FSTL5: variants seen among roughly 807,000 people sequenced by gnomAD.
FSTL5 encodes the protein follistatin like 5.
FSTL5 carries 62 observed loss-of-function variants against 89.1 expected under a neutral mutation model. That is an observed-to-expected ratio of 0.70 (90% CI 0.57 to 0.86). The LOEUF (loss-of-function observed/expected upper bound fraction) is 0.86. FSTL5 is among the 40% of genes least tolerant of loss of function. The probability of loss-of-function intolerance (pLI) is 0.00; values close to 1 mark genes in which losing one functional copy is unlikely to be tolerated. For missense variants in FSTL5, 1,057 were observed against 1,001.6 expected (o/e 1.06, Z -0.75); for synonymous variants, 383 against 346.2 (o/e 1.11, Z -1.18).
At chr4:161,604,369 C>G (rs1232716751) in intron 7 of FSTL5, among the ~76,000 whole-genome samples, 1 of 151,896 alleles carries the variant, frequency 6.6e-6, no homozygotes, top group Non-Finnish European at 1.5e-5. Flanking sequence ...CAAAACCACA[C>G]AGTAACTTGA....
intron 4 of FSTL5, among the ~76,000 whole-genome samples, chr4:161,801,031 G>A (rs1729774926): frequency 1.3e-5 from 2 of 151,640 alleles, no homozygotes; most frequent in South Asian, 2.1e-4. Context: ...TAGTGAATAT[G>A]TTTCACTAAG....
chr4:161,506,442 G>T (rs28488327), intron 11 of FSTL5, among the ~76,000 whole-genome samples: 1 of 151,650 alleles, frequency 6.6e-6, no homozygotes, highest in Non-Finnish European at 1.5e-5. Flanking sequence ...GTTTATTTCC[G>T]TAAGTTTTTT....
intron 10 of FSTL5, among the ~76,000 whole-genome samples, chr4:161,534,195 C>G (rs1335153836): frequency 6.6e-6 from 1 of 152,074 alleles, no homozygotes; most frequent in Non-Finnish European, 1.5e-5. Context: ...ACTCTCACTA[C>G]TCCTATTCAA....
chr4:161,468,198 T>C (rs1733811323), intron 13 of FSTL5, among the ~76,000 whole-genome samples: 1 of 151,966 alleles, frequency 6.6e-6, no homozygotes, highest in Non-Finnish European at 1.5e-5. Context: ...CGACCCCCAC[T>C]ACATACTACT....
At chr4:162,145,903 T>G (rs1203728552) in intron 1 of FSTL5, among the ~76,000 whole-genome samples, 1 of 152,098 alleles carries the variant, frequency 6.6e-6, no homozygotes, top group African/African-American at 2.4e-5. Flanking sequence ...AACTTTTTTC[T>G]AAAAAAGTGA....
At chr4:161,976,810 G>C (rs1026896049) in intron 3 of FSTL5, among the ~76,000 whole-genome samples, 2 of 151,988 alleles carry the variant, frequency 1.3e-5, no homozygotes, top group African/African-American at 2.4e-5. Context: ...AAGTCTAGGA[G>C]CCCAGCCAAC....
chr4:161,749,794 A>T (rs1037192604), intron 6 of FSTL5, among the ~76,000 whole-genome samples: 2 of 151,564 alleles, frequency 1.3e-5, no homozygotes, highest in East Asian at 1.9e-4. Flanking sequence ...TCCGTCAAAA[A>T]AAAAATAAAA....
chr4:161,883,862 T>C (rs983817208), intron 4 of FSTL5, among the ~76,000 whole-genome samples: 3 of 152,234 alleles, frequency 2.0e-5, no homozygotes, highest in Non-Finnish European at 4.4e-5. Context: ...TACATTATTC[T>C]ATGTTCTTTA....
intron 4 of FSTL5, among the ~76,000 whole-genome samples, chr4:161,897,158 A>G (rs987938393): frequency 2.0e-5 from 3 of 151,824 alleles, no homozygotes; most frequent in African/African-American, 7.2e-5. Flanking sequence ...ATTCAAAATT[A>G]AACTAGATCA....
chr4:161,599,580 T>C (rs1734153397), intron 7 of FSTL5, among the ~76,000 whole-genome samples: 1 of 152,178 alleles, frequency 6.6e-6, no homozygotes, highest in Admixed American at 6.6e-5. Context: ...GTGTTTTAAA[T>C]ACATGCAGAA....
intron 2 of FSTL5, among the ~76,000 whole-genome samples, chr4:162,059,447 G>A (rs1738651872): frequency 6.6e-6 from 1 of 152,146 alleles, no homozygotes; most frequent in South Asian, 2.1e-4. Flanking sequence ...AGTTAGGTCT[G>A]AGGCTCTGAA....
intron 7 of FSTL5, among the ~76,000 whole-genome samples, chr4:161,646,370 G>A (rs1736154715): frequency 6.7e-6 from 1 of 150,350 alleles, no homozygotes; most frequent in Admixed American, 6.6e-5. Context: ...AAATTCAGCA[G>A]TTTAGTTAGA....
intron 3 of FSTL5, among the ~76,000 whole-genome samples, chr4:162,012,700 T>C (rs1736803102): frequency 6.6e-6 from 1 of 152,166 alleles, no homozygotes; most frequent in Non-Finnish European, 1.5e-5. Flanking sequence ...AGTTAAATTA[T>C]ATAAGGAAGA....
chr4:161,485,241 T>C (rs563971486), intron 12 of FSTL5, among the ~76,000 whole-genome samples: 11 of 152,356 alleles, frequency 7.2e-5, no homozygotes, highest in Non-Finnish European at 1.3e-4. Flanking sequence ...TTTTGTCCTA[T>C]TATTTAAATT....
intron 10 of FSTL5, among the ~76,000 whole-genome samples, chr4:161,537,881 G>T (rs1731679784): frequency 6.6e-6 from 1 of 152,128 alleles, no homozygotes; most frequent in African/African-American, 2.4e-5. Context: ...TTTTGCAAGA[G>T]ATATAAATTC....
At chr4:161,534,360 C>G (rs1731522058) in intron 10 of FSTL5, among the ~76,000 whole-genome samples, 2 of 151,994 alleles carry the variant, frequency 1.3e-5, no homozygotes, top group Admixed American at 1.3e-4. Context: ...CTTCATGAAA[C>G]TGACAAATTC....
chr4:161,862,245 A>G (rs1731940139), intron 4 of FSTL5, among the ~76,000 whole-genome samples: 1 of 152,342 alleles, frequency 6.6e-6, no homozygotes, highest in Non-Finnish European at 1.5e-5. Flanking sequence ...ATGAGTAAAT[A>G]TGACAGACTG....
At chr4:161,971,427 AAT>A (rs1397365490) in intron 3 of FSTL5, among the ~76,000 whole-genome samples, 1 of 152,092 alleles carries the variant, frequency 6.6e-6, no homozygotes, top group Admixed American at 6.6e-5. Flanking sequence ...ATATAAGATT[AAT>A]TCCTTATATT....
At chr4:161,705,985 TATATATATATACAC>T (rs1299132419) in intron 6 of FSTL5, among the ~76,000 whole-genome samples, 2 of 94,254 alleles carry the variant, frequency 2.1e-5, no homozygotes, top group Non-Finnish European at 4.1e-5. Context: ...TATATATATA[TATATATATATACAC>T]ACATCTACAC....
Sources: allele counts gnomAD v4.1 joint callset (sites outside exome capture counted in the v4.1 genomes callset), GRCh38; gene constraint gnomAD v4.1.1; transcripts MANE v1.5; gene names NCBI Gene and HGNC (gene_info 2026-07-23, HGNC 2026-07-21).